CTNND2: variants seen among roughly 807,000 people sequenced by gnomAD.
The protein encoded by CTNND2 is catenin delta 2.
CTNND2 carries 22 observed loss-of-function variants against 144.4 expected under a neutral mutation model. The ratio of observed to expected loss-of-function variants is 0.15; its 90% CI spans 0.11 to 0.22. CTNND2 has a LOEUF of 0.22. Among genes scored for constraint, CTNND2 ranks in the 10% least tolerant of loss-of-function variants. The probability of loss-of-function intolerance (pLI) is 1.00; values close to 1 mark genes in which losing one functional copy is unlikely to be tolerated. For missense variants in CTNND2, 1,353 were observed against 1,618.8 expected (o/e 0.84, Z 2.82); for synonymous variants, 751 against 695.6 (o/e 1.08, Z -1.25).
chr5:11,201,039 G>C (rs574297157), intron 10 of CTNND2, among the ~76,000 whole-genome samples: 1 of 152,098 alleles, frequency 6.6e-6, no homozygotes, highest in Non-Finnish European at 1.5e-5. Context: ...TAACCACACC[G>C]TTTAAAACTG....
chr5:11,116,932 G>A (rs1051345544), intron 13 of CTNND2, among the ~76,000 whole-genome samples: 22 of 152,002 alleles, frequency 1.4e-4, no homozygotes, highest in African/African-American at 4.1e-4. Flanking sequence ...GGTGGTGCAC[G>A]CCTGTAATCT....
At chr5:11,614,283 T>C (rs1223282653) in intron 2 of CTNND2, among the ~76,000 whole-genome samples, 1 of 152,192 alleles carries the variant, frequency 6.6e-6, no homozygotes, top group Non-Finnish European at 1.5e-5. Context: ...TACATAATGA[T>C]GTTCAGACAG....
At chr5:11,735,482 C>T (rs967838524) in intron 1 of CTNND2, among the ~76,000 whole-genome samples, 1 of 152,154 alleles carries the variant, frequency 6.6e-6, no homozygotes, top group African/African-American at 2.4e-5. Flanking sequence ...CTTCTATTGC[C>T]ACCTCTCTCC....
At chr5:11,728,881 C>T (rs1481892245) in intron 2 of CTNND2, among the ~76,000 whole-genome samples, 1 of 151,914 alleles carries the variant, frequency 6.6e-6, no homozygotes, top group African/African-American at 2.4e-5. Context: ...AAGGCCAATT[C>T]AGATAAAAAT....
chr5:11,882,729 G>T (rs2127078522), intron 1 of CTNND2, among the ~76,000 whole-genome samples: 1 of 152,202 alleles, frequency 6.6e-6, no homozygotes, highest in African/African-American at 2.4e-5. Context: ...ATATTTTAGA[G>T]TCAGGTAGTG....
At chr5:11,634,371 T>G (rs1781573613) in intron 2 of CTNND2, among the ~76,000 whole-genome samples, 1 of 152,116 alleles carries the variant, frequency 6.6e-6, no homozygotes, top group African/African-American at 2.4e-5. Flanking sequence ...GTTGAGAATT[T>G]GAGAGAGCAG....
At position 10,988,054 on chromosome 5, in the gene CTNND2, GC is replaced by G; in HGVS notation, c.3343+56del. Reference sequence around the variant, plus strand: ...GTGAAGCCTGATGTCCCATATCTCTGCCTTGTCGCGGGTCAAGCCACCAAGT... The same window carrying G: ...GTGAAGCCTGATGTCCCATATCTCTGCTTGTCGCGGGTCAAGCCACCAAGT... On this transcript the variant is annotated intron_variant, in intron 20 of 21. Transcript: ENST00000304623. This position sits in a 1 kb window ranked among gnomAD's most constrained non-coding sequence, Gnocchi z 5.9. The G allele has an allele frequency of 6.2e-7, 1 of 1,608,804 alleles. No homozygotes were observed. The highest frequency in any genetic ancestry group is 8.5e-7 in the Non-Finnish European group (1 of 1,177,212).
At chr5:11,482,256 T>C (rs1768348620) in intron 3 of CTNND2, among the ~76,000 whole-genome samples, 1 of 152,110 alleles carries the variant, frequency 6.6e-6, no homozygotes, top group Admixed American at 6.6e-5. Context: ...AAGGTTTACA[T>C]CCCTGATAAA....
intron 2 of CTNND2, among the ~76,000 whole-genome samples, chr5:11,649,306 T>A (rs1320285108): frequency 6.6e-6 from 1 of 152,080 alleles, no homozygotes; most frequent in Non-Finnish European, 1.5e-5. Flanking sequence ...AGAAACAAAC[T>A]TATTTTGTTA....
chr5:11,322,629 T>A (rs1337552830), intron 9 of CTNND2, among the ~76,000 whole-genome samples: 1 of 152,232 alleles, frequency 6.6e-6, no homozygotes, highest in Admixed American at 6.5e-5. Flanking sequence ...ACATTTGTTA[T>A]GTAAGCTTTT....
chr5:11,868,457 T>A (rs757749184), intron 1 of CTNND2, among the ~76,000 whole-genome samples: 1 of 152,130 alleles, frequency 6.6e-6, no homozygotes, highest in Non-Finnish European at 1.5e-5. Context: ...ATCAAGGGGA[T>A]CATGGAGTTT....
At chr5:11,595,767 G>A (rs775437143) in intron 2 of CTNND2, among the ~76,000 whole-genome samples, 1 of 152,142 alleles carries the variant, frequency 6.6e-6, no homozygotes, top group Non-Finnish European at 1.5e-5. Context: ...AAAGCTTGAA[G>A]ACAGCAATTT....
intron 9 of CTNND2, among the ~76,000 whole-genome samples, chr5:11,296,568 G>T (rs1749037300): frequency 6.6e-6 from 1 of 152,136 alleles, no homozygotes; most frequent in Non-Finnish European, 1.5e-5. Context: ...CAATAGCAAA[G>T]ACTTGGAACC....
chr5:11,801,561 G>C (rs1390382794), intron 1 of CTNND2, among the ~76,000 whole-genome samples: 1 of 152,152 alleles, frequency 6.6e-6, no homozygotes, highest in Non-Finnish European at 1.5e-5. Flanking sequence ...TTGTAACTAA[G>C]AGCATTGAAA....
chr5:11,045,783 G>A (rs947053296), intron 16 of CTNND2, among the ~76,000 whole-genome samples: 9 of 152,050 alleles, frequency 5.9e-5, no homozygotes, highest in African/African-American at 2.2e-4. Context: ...AGATTCTGGG[G>A]ACTTAGACTT....
chr5:11,821,596 C>T (rs1446685900), intron 1 of CTNND2, among the ~76,000 whole-genome samples: 1 of 152,066 alleles, frequency 6.6e-6, no homozygotes, highest in African/African-American at 2.4e-5. Context: ...TGTTGGTTGA[C>T]CCCTGTGTCA....
intron 10 of CTNND2, among the ~76,000 whole-genome samples, chr5:11,206,882 A>C (rs1274804974): frequency 6.6e-6 from 1 of 152,186 alleles, no homozygotes; most frequent in Non-Finnish European, 1.5e-5. Flanking sequence ...CCAGGTTTAA[A>C]GGCTACACTT....
intron 5 of CTNND2, among the ~76,000 whole-genome samples, chr5:11,401,093 T>A (rs1374391748): frequency 1.3e-5 from 2 of 152,196 alleles, no homozygotes; most frequent in Admixed American, 6.5e-5. Context: ...CGCTGTCCAC[T>A]ATTCGTGGGA....
intron 12 of CTNND2, among the ~76,000 whole-genome samples, chr5:11,133,848 C>T (rs550435598): frequency 2.0e-5 from 3 of 152,246 alleles, no homozygotes; most frequent in Non-Finnish European, 2.9e-5. Flanking sequence ...GCCATAGTAC[C>T]GATATAGTCT....
Sources: allele counts gnomAD v4.1 joint callset (sites outside exome capture counted in the v4.1 genomes callset), GRCh38; gene constraint gnomAD v4.1.1; non-coding constraint Gnocchi (gnomAD v3.1); transcripts MANE v1.5; gene names NCBI Gene and HGNC (gene_info 2026-07-23, HGNC 2026-07-21).